DPEP1: variants seen among roughly 807,000 people sequenced by gnomAD.
DPEP1 encodes dipeptidase 1, also known as beta-lactamase.
In DPEP1, 50 loss-of-function variants were observed where a neutral mutation model predicts 42.3. That is an observed-to-expected ratio of 1.18 (90% confidence interval 0.94 to 1.50). The LOEUF is 1.50. Ranked by LOEUF, DPEP1 falls within the 40% of genes most tolerant of loss-of-function variation. The pLI, the probability that DPEP1 is intolerant of heterozygous loss-of-function variation, is 0.00. For synonymous variants in DPEP1, 297 were observed against 234.0 expected (o/e 1.27, Z -2.46); for missense variants, 663 against 553.0 (o/e 1.20, Z -1.99).
chr16:89,634,308 C>T (rs1282363655), intron 2 of DPEP1, among the ~76,000 whole-genome samples: 4 of 151,984 alleles, frequency 2.6e-5, no homozygotes, highest in Non-Finnish European at 4.4e-5. Context: ...AGGATGATCT[C>T]GATCTCCTGA....
intron 2 of DPEP1, 36 bp from the exon 3 acceptor site, chr16:89,635,872 G>C (rs199928490): frequency 6.4e-7 from 1 of 1,560,080 alleles, no homozygotes; most frequent in South Asian, 1.2e-5. Context: ...CCCAGTGGCC[G>C]CCCTGACTGC....
At chr16:89,627,136 G>T (rs2059524756) in intron 1 of DPEP1, among the ~76,000 whole-genome samples, 2 of 152,020 alleles carry the variant, frequency 1.3e-5, no homozygotes, top group South Asian at 4.2e-4. Flanking sequence ...AGCCGGGCGT[G>T]GTGGCGGGCG....
rs2059698370 is a variant in DPEP1, at chr16:89,637,529, A to G, written c.830A>G (p.Lys277Arg). The G allele has an allele frequency of 1.9e-6, 3 of 1,612,650 alleles. No homozygotes were observed. The highest frequency in any genetic ancestry group is 1.3e-5 in the African/African-American group (1 of 74,924). The stretch of plus-strand genomic sequence containing the variant: ...AACAATTACATTTCCTGCACCAACA[A>G]GGCCAACCTGTCCCAAGTGGCCGGT... ...FYNNYISCTN[K>R]ANLSQVADHL... Residue 277 changes from lysine to arginine, a missense_variant, in exon 8 of 11, where the codon AAG becomes AGG. Physicochemically the swap from Lys to Arg is conservative, Grantham distance 26. Coordinates refer to ENST00000690203, the MANE Select transcript of DPEP1 (RefSeq NM_001389466.1).
At chr16:89,637,175 T>G in intron 6 of DPEP1, 29 bp from the exon 7 acceptor site, 1 of 1,604,126 alleles carries the variant, frequency 6.2e-7, no homozygotes, top group South Asian at 1.1e-5. Flanking sequence ...CTGGGGGCTG[T>G]GAGGGTGGAC....
At chr16:89,630,597 TGGGGGAGCG>T (rs2059572518) in intron 2 of DPEP1, 83 bp downstream of exon 2, 1 of 63,340 alleles carries the variant, frequency 1.6e-5, no homozygotes, top group Non-Finnish European at 3.4e-5. Flanking sequence ...GAGCCGGGGC[TGGGGGAGCG>T]GGGCTGGGGG....
Position 89,636,650 on chromosome 16 carries a change from A to AC in DPEP1, c.490dup (p.Leu164ProfsTer13). 6.2e-7 allele frequency: 1 copy of AC among 1,612,552 alleles called. No individual in the cohort carries two copies. Among genetic ancestry groups the AC allele is most frequent in the Non-Finnish European group, 8.5e-7 (1 of 1,179,926 alleles). On this transcript the variant is annotated frameshift_variant, in exon 5 of 11. Transcript: ENST00000690203. LOFTEE classifies it high-confidence loss of function. The stretch of plus-strand genomic sequence containing the variant: ...GCACTCTATCAGCTGGGCATGCGGT[A>AC]CCTGACCCTCACCCACAGCTGCAAC...
chr16:89,633,855 T>A lies in DPEP1; in HGVS notation c.105-2053T>A, dbSNP rs191529158. Among the ~76,000 whole-genome samples, 5 of 151,848 alleles carry A rather than the reference T, an allele frequency of 3.3e-5. No individual in the cohort carries two copies. The East Asian group carries it at 5.8e-4, about 18-fold the overall frequency. On this transcript the variant is annotated intron_variant, in intron 2 of 10. Coordinates refer to ENST00000690203, the MANE Select transcript of DPEP1 (RefSeq NM_001389466.1). ...TGTGGCCTCATCCCAGCGCACACCC[T>A]CACAAGGCAGTCCCCCCGAGACAGG...
intron 2 of DPEP1, among the ~76,000 whole-genome samples, chr16:89,635,381 T>C (rs2059663304): frequency 6.6e-6 from 1 of 152,122 alleles, no homozygotes; most frequent in African/African-American, 2.4e-5. Context: ...GAGGCCTGGG[T>C]AGCCCCCAAA....
chr16:89,632,864 C>T (rs2059607561), intron 2 of DPEP1, among the ~76,000 whole-genome samples: 1 of 152,152 alleles, frequency 6.6e-6, no homozygotes, highest in Admixed American at 6.5e-5. Context: ...TTGGGGGCTG[C>T]AGTGAGCTGT....
chr16:89,636,584 A>T lies in DPEP1; in HGVS notation c.422A>T (p.Glu141Val). Reference protein sequence around the residue: ...EGKVASLIGVEGGHSIDSSLG... With the variant: ...EGKVASLIGVVGGHSIDSSLG... ...AAGGTGGCCAGCCTGATCGGCGTGG[A>T]GGGCGGCCACTCCATTGACAGCAGT... Residue 141 changes from glutamate to valine, a missense_variant, in exon 5 of 11, where the codon GAG (glutamate) becomes GTG (valine). By Grantham distance (121) the Glu-to-Val change is moderately radical (BLOSUM62 -2). Coordinates refer to ENST00000690203, the MANE Select transcript of DPEP1 (RefSeq NM_001389466.1). 6.2e-7 allele frequency: 1 copy of T among 1,612,466 alleles called. No homozygotes were observed. Among genetic ancestry groups the T allele is most frequent in the Non-Finnish European group, 8.5e-7 (1 of 1,179,852 alleles).
At chr16:89,615,008 G>C (rs2059368490) in intron 1 of DPEP1, among the ~76,000 whole-genome samples, 1 of 152,144 alleles carries the variant, frequency 6.6e-6, no homozygotes, top group Non-Finnish European at 1.5e-5. Flanking sequence ...CACATCTCTT[G>C]GCGAATTCTT....
rs970807989 is a variant in DPEP1, at chr16:89,623,360, C to G, written c.-106-6945C>G. ...TAACCGGGCATCTCCGGAGCTCGCC[C>G]CACACAAAGCCTGGGGTCGAGAGCC... On this transcript the variant is annotated intron_variant, in intron 1 of 10. Transcript: ENST00000690203. 3.9e-5 allele frequency among the ~76,000 whole-genome samples: 6 copies of G among 152,240 alleles called. No individual in the cohort carries two copies. The Middle Eastern group carries it at 0.01, about 259-fold the overall frequency.
At chr16:89,636,711 G>A (rs772194577) in intron 5 of DPEP1, 28 bp downstream of exon 5, 20 of 1,610,572 alleles carry the variant, frequency 1.2e-5, no homozygotes, top group East Asian at 2.2e-5. Flanking sequence ...GGAGGCCCCC[G>A]GGCTGTGGTC....
intron 3 of DPEP1, 87 bp downstream of exon 3, chr16:89,636,127 G>A (rs2059675257): frequency 6.5e-7 from 1 of 1,549,854 alleles, no homozygotes; most frequent in African/African-American, 1.4e-5. Flanking sequence ...CCATCCCTGT[G>A]GTGTTCCTCC....
At chr16:89,635,239 C>A (rs1181698586) in intron 2 of DPEP1, among the ~76,000 whole-genome samples, 2 of 150,994 alleles carry the variant, frequency 1.3e-5, no homozygotes, top group African/African-American at 4.9e-5. Context: ...CTCATTTTTC[C>A]TCACGAGAGC....
intron 1 of DPEP1, among the ~76,000 whole-genome samples, chr16:89,624,542 T>G (rs2059483691): frequency 1.3e-5 from 2 of 151,416 alleles, no homozygotes; most frequent in African/African-American, 4.8e-5. Flanking sequence ...GGTTTGTTTT[T>G]TTTTTGTTTT....
At chr16:89,626,844 G>A (rs1000983379) in intron 1 of DPEP1, among the ~76,000 whole-genome samples, 4 of 152,056 alleles carry the variant, frequency 2.6e-5, no homozygotes, top group East Asian at 3.9e-4. Context: ...TTGGCCAGGC[G>A]CGGTGGCTCA....
intron 2 of DPEP1, among the ~76,000 whole-genome samples, chr16:89,634,348 A>C (rs1421862516): frequency 3.9e-5 from 6 of 151,914 alleles, no homozygotes; most frequent in Non-Finnish European, 7.4e-5. Context: ...CGGCCTCCCA[A>C]AGTGCTGGGA....
chr16:89,616,273 C>T (rs1375424594), intron 1 of DPEP1, among the ~76,000 whole-genome samples: 1 of 152,076 alleles, frequency 6.6e-6, no homozygotes, highest in East Asian at 1.9e-4. Flanking sequence ...ACAGGAGAGG[C>T]TGGGACCTGT....
Sources: gnomAD v4.1 joint callset for allele counts (sites outside exome capture counted in the v4.1 genomes callset) on GRCh38, gnomAD v4.1.1 for gene constraint, MANE v1.5 for transcripts, NCBI Gene and HGNC (gene_info 2026-07-23, HGNC 2026-07-21) for gene names.